Variants in AGBL1 observed in about 807,000 individuals in gnomAD.
AGBL1 encodes AGBL carboxypeptidase 1.
Under a neutral mutation model 118.9 loss-of-function variants are expected in AGBL1, and 130 were observed. That is an observed-to-expected ratio of 1.09 (90% confidence interval 0.95 to 1.26). The LOEUF (loss-of-function observed/expected upper bound fraction) is 1.26. Ranked by LOEUF, AGBL1 falls within the 50% of genes most tolerant of loss-of-function variation. The probability of loss-of-function intolerance (pLI) is 0.00; values close to 1 mark genes in which losing one functional copy is unlikely to be tolerated. For synonymous variants in AGBL1, 555 were observed against 478.9 expected (o/e 1.16, Z -2.08); for missense variants, 1,584 against 1,298.1 (o/e 1.22, Z -3.38).
rs538141986 is a variant in AGBL1, at chr15:86,330,746, T to C, written c.2374+35338T>C. Among the ~76,000 whole-genome samples the C allele has an allele frequency of 2.6e-5, 4 of 151,908 alleles. No homozygotes were observed. In the South Asian group the frequency reaches 8.3e-4, roughly 32 times the overall value. On this transcript the variant is annotated intron_variant, in intron 17 of 22. Transcript: ENST00000614907. ...GAAACTTCTAAAGCAATCCAGGAAA[T>C]GAAGGATGAAATAAATATCTTTAAA...
At chr15:86,786,667 C>T (rs1487234166) in intron 22 of AGBL1, among the ~76,000 whole-genome samples, 2 of 152,138 alleles carry the variant, frequency 1.3e-5, no homozygotes, top group Non-Finnish European at 2.9e-5. Flanking sequence ...TTTGTTGATA[C>T]ATCTCAACTT....
rs76736728 is a variant in AGBL1, at chr15:86,106,122, C to G, written c.51+26099C>G. 8.3e-4 allele frequency among the ~76,000 whole-genome samples: 126 copies of G among 152,294 alleles called. 1 individual carries two copies. Among genetic ancestry groups the G allele is most frequent in the African/African-American group, 2.7e-3 (113 of 41,558 alleles). ...GTGTTCCATCTGATGTGTGGGCAAC[C>G]TCTCTGGTATGATATAACCTAGTAT... On this transcript the variant is annotated intron_variant, in intron 1 of 22. Coordinates refer to ENST00000614907, the MANE Select transcript of AGBL1 (RefSeq NM_001386094.1).
chr15:86,966,530 G>A (rs546957858), intron 23 of AGBL1, among the ~76,000 whole-genome samples: 2 of 152,122 alleles, frequency 1.3e-5, no homozygotes, highest in South Asian at 4.1e-4. Context: ...CTGTGTCCAA[G>A]TCTTCTCATT....
intron 17 of AGBL1, chr15:86,304,933 C>T (rs1239390566): frequency 6.6e-6 from 1 of 152,194 alleles, no homozygotes; most frequent in African/African-American, 2.4e-5. Flanking sequence ...TGAGTCTCCT[C>T]ACGTTTCTGG....
chr15:86,827,418 T>TATATATACAC (rs2079035140), intron 22 of AGBL1, among the ~76,000 whole-genome samples: 2 of 9,190 alleles, frequency 2.2e-4, no homozygotes, highest in African/African-American at 7.8e-4. Context: ...TGTGTATATA[T>TATATATACAC]ATATATATAT....
chr15:86,319,088 T>C (rs2080064553), intron 17 of AGBL1, among the ~76,000 whole-genome samples: 1 of 152,242 alleles, frequency 6.6e-6, no homozygotes, highest in Non-Finnish European at 1.5e-5. Context: ...CATTTACTTA[T>C]CCAATCTACT....
chr15:86,885,153 C>A (rs2079952794), intron 22 of AGBL1, among the ~76,000 whole-genome samples: 1 of 151,974 alleles, frequency 6.6e-6, no homozygotes, highest in Admixed American at 6.6e-5. Context: ...TGTTATGATT[C>A]TTATAATACA....
intron 22 of AGBL1, among the ~76,000 whole-genome samples, chr15:86,880,288 G>A (rs562769308): frequency 6.6e-6 from 1 of 152,138 alleles, no homozygotes; most frequent in African/African-American, 2.4e-5. Flanking sequence ...AGGACTCATA[G>A]CCTCAGAGTT....
intron 23 of AGBL1, among the ~76,000 whole-genome samples, chr15:86,979,611 C>A (rs982991239): frequency 1.3e-5 from 2 of 152,124 alleles, no homozygotes; most frequent in Admixed American, 1.3e-4. Flanking sequence ...GCCTCAGCCT[C>A]CGGAGTAGCT....
At chr15:86,549,179 T>C (rs1394927418) in intron 20 of AGBL1, among the ~76,000 whole-genome samples, 2 of 151,982 alleles carry the variant, frequency 1.3e-5, no homozygotes, top group African/African-American at 4.8e-5. Context: ...ATCTAAACTA[T>C]ATCGTATGGA....
intron 22 of AGBL1, among the ~76,000 whole-genome samples, chr15:86,738,803 G>A (rs1463475083): frequency 6.6e-6 from 1 of 152,020 alleles, no homozygotes; most frequent in Non-Finnish European, 1.5e-5. Flanking sequence ...GAAGTTGTGT[G>A]GGGGAAGATA....
chr15:86,652,213 C>G (rs956601130), intron 21 of AGBL1, among the ~76,000 whole-genome samples: 5 of 152,116 alleles, frequency 3.3e-5, no homozygotes, highest in Admixed American at 2.6e-4. Flanking sequence ...TGGAGGTACA[C>G]CAGTTCTCCT....
intron 23 of AGBL1, among the ~76,000 whole-genome samples, chr15:86,964,437 A>G (rs1404740142): frequency 6.6e-6 from 1 of 151,938 alleles, no homozygotes. Flanking sequence ...ATGTGTCCAG[A>G]CATGGCCAAA....
Position 86,269,899 on chromosome 15 carries a change from G to T in AGBL1, c.1839-20G>T. 1.2e-6 allele frequency: 2 copies of T among 1,612,344 alleles called. No individual in the cohort carries two copies. Among genetic ancestry groups the T allele is most frequent in the South Asian group, 1.1e-5 (1 of 90,828 alleles). ...GAAAGACTTTCCAGATAACCCTCCA[G>T]TCTTGCTTCTGATCTGCAGGTTCGA... On this transcript the variant is annotated intron_variant, in intron 13 of 22. Transcript: ENST00000614907.
chr15:86,833,415 A>T (rs2079132972), intron 22 of AGBL1, among the ~76,000 whole-genome samples: 3 of 152,002 alleles, frequency 2.0e-5, no homozygotes, highest in African/African-American at 7.2e-5. Flanking sequence ...TATTCTCCTG[A>T]TGGTGAGTAA....
chr15:86,143,531 C>T (rs1157853770), intron 2 of AGBL1, among the ~76,000 whole-genome samples, 168 bp from the exon 3 acceptor site: 1 of 152,190 alleles, frequency 6.6e-6, no homozygotes, highest in Non-Finnish European at 1.5e-5. Flanking sequence ...ACCCTCTTCC[C>T]TTAACTGATA....
chr15:87,005,632 C>T (rs998927188), intron 24 of AGBL1, among the ~76,000 whole-genome samples: 2 of 152,226 alleles, frequency 1.3e-5, no homozygotes, highest in South Asian at 2.1e-4. Context: ...GCCATGGGTT[C>T]GAACTTCCTC....
At chr15:86,582,697 T>C (rs1206955426) in intron 21 of AGBL1, among the ~76,000 whole-genome samples, 2 of 152,128 alleles carry the variant, frequency 1.3e-5, no homozygotes, top group African/African-American at 4.8e-5. Flanking sequence ...AAGGATGAGT[T>C]CATGTCCTTT....
At chr15:86,260,175 A>C (rs141878405) in intron 9 of AGBL1, among the ~76,000 whole-genome samples, 1 of 152,294 alleles carries the variant, frequency 6.6e-6, no homozygotes, top group East Asian at 1.9e-4. Flanking sequence ...GCTCCAGAAA[A>C]CTGGATTTTC....
Sources: gnomAD v4.1 joint callset for allele counts (sites outside exome capture counted in the v4.1 genomes callset) on GRCh38, gnomAD v4.1.1 for gene constraint, MANE v1.5 for transcripts, NCBI Gene and HGNC (gene_info 2026-07-23, HGNC 2026-07-21) for gene names.